CD44: variants seen among roughly 807,000 people sequenced by gnomAD.
CD44 encodes the protein CD44 antigen.
A neutral mutation model predicts 88.8 loss-of-function variants in CD44; 49 were observed. The ratio of observed to expected loss-of-function variants is 0.55; its 90% CI spans 0.44 to 0.70. CD44 has a LOEUF of 0.70. Among genes scored for constraint, CD44 ranks in the 30% least tolerant of loss-of-function variants. The pLI, the probability that CD44 is intolerant of heterozygous loss-of-function variation, is 0.00. For synonymous variants in CD44, 325 were observed against 312.3 expected (o/e 1.04, Z -0.43); for missense variants, 883 against 913.8 (o/e 0.97, Z 0.43).
intron 1 of CD44, among the ~76,000 whole-genome samples, chr11:35,147,847 G>T (rs768002803): frequency 6.0e-4 from 91 of 152,238 alleles, no homozygotes; most frequent in Non-Finnish European, 1.1e-3. Context: ...CCAGCACTTT[G>T]GGAGGCCGAG....
chr11:35,228,779 C>T (rs1949896582), intron 17 of CD44, among the ~76,000 whole-genome samples: 1 of 152,114 alleles, frequency 6.6e-6, no homozygotes, highest in South Asian at 2.1e-4. Flanking sequence ...TGAGGGGTTG[C>T]AAATTTGACT....
chr11:35,212,139 C>A (rs1948451940), intron 14 of CD44, among the ~76,000 whole-genome samples: 1 of 151,860 alleles, frequency 6.6e-6, no homozygotes, highest in African/African-American at 2.4e-5. Context: ...AATAAGTAGT[C>A]ATCTCTGCTT....
At chr11:35,170,811 T>C (rs1410145947) in intron 1 of CD44, among the ~76,000 whole-genome samples, 1 of 152,214 alleles carries the variant, frequency 6.6e-6, no homozygotes, top group Admixed American at 6.5e-5. Context: ...TGCCTCTCTA[T>C]AGTGGTTTGC....
chr11:35,196,617 T>C, intron 5 of CD44, 129 bp from the exon 6 acceptor site: 2 of 1,041,190 alleles, frequency 1.9e-6, no homozygotes, highest in Non-Finnish European at 2.7e-6. Context: ...TTTTTCCCTT[T>C]CTTTTCACCA....
At chr11:35,139,442 C>G (rs1024978314) in intron 1 of CD44, 72 bp downstream of exon 1, 24 of 1,365,740 alleles carry the variant, frequency 1.8e-5, no homozygotes, top group Middle Eastern at 1.8e-4. Context: ...GGCAGCCCCT[C>G]CGGCTGAGTC....
At chr11:35,225,213 T>C (rs1411506743) in intron 17 of CD44, among the ~76,000 whole-genome samples, 1 of 134,856 alleles carries the variant, frequency 7.4e-6, no homozygotes, top group Non-Finnish European at 1.7e-5. Flanking sequence ...CCATATTGGA[T>C]GGCACAGCTC....
intron 16 of CD44, among the ~76,000 whole-genome samples, chr11:35,219,860 A>C (rs1264955035): frequency 1.4e-5 from 2 of 147,524 alleles, no homozygotes; most frequent in East Asian, 3.9e-4. Context: ...TGGTTCCCCA[A>C]CTAATTTTTT....
intron 3 of CD44, among the ~76,000 whole-genome samples, chr11:35,184,140 T>C (rs1591117791): frequency 6.8e-6 from 1 of 147,726 alleles, no homozygotes; most frequent in Non-Finnish European, 1.5e-5. Context: ...AGAAAGGCTA[T>C]CTAATAAGGC....
chr11:35,143,449 A>G (rs1245157977), intron 1 of CD44, among the ~76,000 whole-genome samples: 2 of 151,676 alleles, frequency 1.3e-5, no homozygotes, highest in East Asian at 3.9e-4. Context: ...CACTCTCTTT[A>G]ACTCCATTTT....
At chr11:35,211,138 G>GGATA in intron 13 of CD44, 108 bp from the exon 14 acceptor site, 1 of 796,478 alleles carries the variant, frequency 1.3e-6, no homozygotes. Context: ...CCCTATTTAT[G>GGATA]GATAACAAGT....
Position 35,201,126 on chromosome 11 carries a change from G to A in CD44, c.967G>A (p.Asp323Asn), listed in dbSNP as rs560004971. 2.5e-6 allele frequency: 4 copies of A among 1,614,078 alleles called. No individual in the cohort carries two copies. The Middle Eastern group carries it at 5.0e-4, about 200-fold the overall frequency. The change falls in exon 8 of 18, where the codon GAC (aspartate) becomes AAC (asparagine). Residue 323 changes from aspartate (D) to asparagine (N), a missense_variant. Physicochemically the swap from Asp to Asn is conservative, Grantham distance 23 (BLOSUM62 1). This residue lies in a region of CD44 where 631 missense variants were observed against 590.9 expected (regional missense o/e 1.07). Coordinates refer to ENST00000428726, the MANE Select transcript of CD44 (RefSeq NM_000610.4). ...TTTTGACCACACAAAACAGAACCAGGACTGGACCCAGTGGAACCCAAGCCA... is the reference window on the plus strand; with the variant it reads ...TTTTGACCACACAAAACAGAACCAGAACTGGACCCAGTGGAACCCAAGCCA... ...RAFDHTKQNQ[D>N]WTQWNPSHSN...
chr11:35,177,533 G>A (rs1944591237), intron 2 of CD44, among the ~76,000 whole-genome samples: 1 of 152,242 alleles, frequency 6.6e-6, no homozygotes, highest in Admixed American at 6.5e-5. Context: ...ACCCCAGCCT[G>A]TAGCTGTGCT....
Position 35,189,824 on chromosome 11 carries a change from C to G in CD44, c.437-11C>G. 1.9e-6 allele frequency: 3 copies of G among 1,582,906 alleles called. No homozygotes were observed. The highest frequency in any genetic ancestry group is 2.2e-5 in the East Asian group (1 of 44,640). On this transcript the variant is annotated splice_polypyrimidine_tract_variant and intron_variant, in intron 4 of 17. Transcript: ENST00000428726. ...CTGTGAAGTTCTGTAAGTACCTTTT[C>G]TCTCTCCCAGCTATTGTTAACCGTG...
rs550478160 is a variant in CD44 at position 35,140,956 on chromosome 11, G to T, written c.67+1586G>T. ...GAATTGCTTGAACCTAGGAGGTGAAGGTTGCAGTGAACCAAGATTATGCCA... is the reference window on the plus strand; with the variant it reads ...GAATTGCTTGAACCTAGGAGGTGAATGTTGCAGTGAACCAAGATTATGCCA... On this transcript the variant is annotated intron_variant, in intron 1 of 17. Transcript: ENST00000428726. 4.7e-5 allele frequency among the ~76,000 whole-genome samples: 7 copies of T among 150,248 alleles called. No homozygotes were observed. The East Asian group carries it at 1.4e-3, about 29-fold the overall frequency.
At chr11:35,195,525 G>A (rs1398223390) in intron 5 of CD44, among the ~76,000 whole-genome samples, 1 of 151,756 alleles carries the variant, frequency 6.6e-6, no homozygotes, top group Non-Finnish European at 1.5e-5. Flanking sequence ...GGTCTTTTTG[G>A]CAGTGTTTCA....
At chr11:35,172,479 T>A (rs1394649372) in intron 1 of CD44, among the ~76,000 whole-genome samples, 2 of 152,222 alleles carry the variant, frequency 1.3e-5, no homozygotes, top group African/African-American at 4.8e-5. Context: ...TTGTTTCTGC[T>A]GTTAATCATT....
chr11:35,171,070 C>G (rs1251060929), intron 1 of CD44, among the ~76,000 whole-genome samples: 1 of 152,164 alleles, frequency 6.6e-6, no homozygotes, highest in African/African-American at 2.4e-5. Flanking sequence ...AAAATAGAGC[C>G]TGGCATATAC....
intron 10 of CD44, among the ~76,000 whole-genome samples, chr11:35,205,446 A>G (rs1024491594): frequency 1.3e-5 from 2 of 151,900 alleles, no homozygotes; most frequent in African/African-American, 4.9e-5. Flanking sequence ...CTGGCAGAGC[A>G]ATGGATTCTG....
rs886981120 is a variant in CD44, at chr11:35,206,493, G to C, written c.1414+250G>C. On this transcript the variant is annotated intron_variant, in intron 11 of 17. Coordinates refer to ENST00000428726, the MANE Select transcript of CD44 (RefSeq NM_000610.4). ...AAAAACTTATTGTCAAAATATATCTGTGTGAGGCAGTAAGTAATAGATATG... is the reference window on the plus strand; with the variant it reads ...AAAAACTTATTGTCAAAATATATCTCTGTGAGGCAGTAAGTAATAGATATG... Among the ~76,000 whole-genome samples, 12 of 152,286 alleles carry C rather than the reference G, an allele frequency of 7.9e-5. No homozygotes were observed. The South Asian group carries it at 1.9e-3, about 24-fold the overall frequency.
Sources: allele counts gnomAD v4.1 joint callset (sites outside exome capture counted in the v4.1 genomes callset), GRCh38; gene constraint gnomAD v4.1.1; regional missense constraint gnomAD v4.1.1; transcripts MANE v1.5; gene names NCBI Gene and HGNC (gene_info 2026-07-23, HGNC 2026-07-21).